The following FER variants were observed in gnomAD, a reference collection of about 807,000 sequenced individuals.
FER encodes FER tyrosine kinase, also known as tyrosine-protein kinase Fer.
A neutral mutation model predicts 111.0 loss-of-function variants in FER; 63 were observed. The ratio of observed to expected loss-of-function variants is 0.57; its 90% CI spans 0.46 to 0.70. The LOEUF is 0.70. Among genes scored for constraint, FER ranks in the 30% least tolerant of loss-of-function variants. FER has a pLI of 0.00. For synonymous variants in FER, 327 were observed against 313.9 expected (o/e 1.04, Z -0.44); for missense variants, 914 against 954.0 (o/e 0.96, Z 0.55).
chr5:109,090,630 C>T (rs1231284009), intron 16 of FER, among the ~76,000 whole-genome samples: 1 of 151,942 alleles, frequency 6.6e-6, no homozygotes, highest in East Asian at 1.9e-4. Context: ...AGAATACTCA[C>T]AGAGAGGGAA....
intron 2 of FER, among the ~76,000 whole-genome samples, chr5:108,791,587 T>TAC (rs1313426604): frequency 1.1e-4 from 16 of 149,424 alleles, no homozygotes; most frequent in Non-Finnish European, 1.5e-4. Flanking sequence ...TATATATATA[T>TAC]ACATATATAT....
intron 19 of FER, 104 bp from the exon 20 acceptor site, chr5:109,187,329 T>TACAACATAAG (rs1758992539): frequency 8.3e-7 from 1 of 1,205,000 alleles, no homozygotes; most frequent in Non-Finnish European, 1.2e-6. Flanking sequence ...TCCATATAAC[T>TACAACATAAG]ACAACATAAG....
chr5:108,801,686 A>G (rs1419401685), intron 3 of FER, among the ~76,000 whole-genome samples: 1 of 152,206 alleles, frequency 6.6e-6, no homozygotes, highest in African/African-American at 2.4e-5. Flanking sequence ...AGTTGCATGG[A>G]TAGAAGATTC....
At chr5:109,133,188 G>A (rs891825392) in intron 17 of FER, among the ~76,000 whole-genome samples, 1 of 152,168 alleles carries the variant, frequency 6.6e-6, no homozygotes, top group African/African-American at 2.4e-5. Flanking sequence ...GAAAGTGACT[G>A]TAGGAGATAA....
rs576663370 is a variant in FER at position 109,129,757 on chromosome 5, A to G, written c.2048+29238A>G. Among the ~76,000 whole-genome samples, 5 of 152,192 alleles carry G rather than the reference A, an allele frequency of 3.3e-5. No homozygotes were observed. The South Asian group carries it at 1.0e-3, about 31-fold the overall frequency. On this transcript the variant is annotated intron_variant, in intron 17 of 19. Transcript: ENST00000281092. ...CGTATAGGAATTATTGAAATGTGTC[A>G]AACGTCTTTAAAAATGCATACCCTT... is the stretch of plus-strand genomic sequence containing the variant.
rs950579407 is a variant in FER, at chr5:109,111,884, A to G, written c.2048+11365A>G. Among the ~76,000 whole-genome samples, 55 of 152,286 alleles carry G rather than the reference A, an allele frequency of 3.6e-4. 1 individual carries two copies. Among genetic ancestry groups the G allele is most frequent in the African/African-American group, 1.3e-3 (55 of 41,570 alleles). On this transcript the variant is annotated intron_variant, in intron 17 of 19. Coordinates refer to ENST00000281092, the MANE Select transcript of FER (RefSeq NM_005246.4). Reference sequence around the variant, plus strand: ...TTCAACATGAGATTAGGGTGGGGAAACATAGCGACACCATAAGAAATTCTT... The same window carrying G: ...TTCAACATGAGATTAGGGTGGGGAAGCATAGCGACACCATAAGAAATTCTT...
chr5:109,018,772 A>C (rs897167331), intron 13 of FER, among the ~76,000 whole-genome samples: 1 of 151,804 alleles, frequency 6.6e-6, no homozygotes, highest in Non-Finnish European at 1.5e-5. Flanking sequence ...TTCTGTAAGC[A>C]AAATATGAAC....
intron 1 of FER, among the ~76,000 whole-genome samples, chr5:108,758,996 C>T (rs1751422004): frequency 6.6e-6 from 1 of 152,268 alleles, no homozygotes; most frequent in Admixed American, 6.5e-5. Context: ...GAAAAGAAGA[C>T]AACTAAGAGA....
At chr5:108,801,374 A>G (rs1580616140) in intron 3 of FER, among the ~76,000 whole-genome samples, 1 of 152,350 alleles carries the variant, frequency 6.6e-6, no homozygotes, top group East Asian at 1.9e-4. Context: ...TCATGACATC[A>G]GTAACACATT....
intron 5 of FER, among the ~76,000 whole-genome samples, chr5:108,855,697 C>A (rs1169350599): frequency 1.3e-5 from 2 of 151,756 alleles, no homozygotes; most frequent in African/African-American, 4.8e-5. Flanking sequence ...CAAGGAAGAG[C>A]AAGTGATCAA....
intron 10 of FER, among the ~76,000 whole-genome samples, chr5:108,933,851 A>T (rs577386585): frequency 1.3e-5 from 2 of 152,060 alleles, no homozygotes; most frequent in African/African-American, 2.4e-5. Context: ...TAGATATTTT[A>T]TTCTCTCTGT....
intron 13 of FER, among the ~76,000 whole-genome samples, chr5:108,995,794 G>A (rs745995290): frequency 2.6e-5 from 4 of 152,180 alleles, no homozygotes; most frequent in Non-Finnish European, 5.9e-5. Context: ...TAATGGGATT[G>A]CTGGGTCAAA....
chr5:108,826,152 G>T (rs1479487105), intron 3 of FER, among the ~76,000 whole-genome samples: 1 of 152,004 alleles, frequency 6.6e-6, no homozygotes, highest in East Asian at 1.9e-4. Context: ...GTTGAATTTT[G>T]CCCAATACTC....
intron 8 of FER, among the ~76,000 whole-genome samples, chr5:108,880,020 A>G (rs1765530363): frequency 6.6e-6 from 1 of 151,872 alleles, no homozygotes; most frequent in African/African-American, 2.4e-5. Flanking sequence ...CTCCCTGTAT[A>G]ATTTTATTCT....
intron 3 of FER, among the ~76,000 whole-genome samples, chr5:108,823,354 C>G (rs1759099720): frequency 1.3e-5 from 2 of 152,146 alleles, no homozygotes; most frequent in Admixed American, 1.3e-4. Context: ...TTTGAGGAAC[C>G]TCGATATGTT....
At chr5:108,774,065 C>A (rs959643431) in intron 2 of FER, among the ~76,000 whole-genome samples, 4 of 151,992 alleles carry the variant, frequency 2.6e-5, no homozygotes, top group African/African-American at 7.3e-5. Context: ...TCCTCACCCC[C>A]CAACAGGCCC....
At chr5:108,809,018 G>A (rs1176093626) in intron 3 of FER, among the ~76,000 whole-genome samples, 1 of 152,114 alleles carries the variant, frequency 6.6e-6, no homozygotes, top group Non-Finnish European at 1.5e-5. Context: ...CTGCCTTTAA[G>A]ATTTTTTTCT....
chr5:108,938,000 C>A (rs1755720275), intron 10 of FER, among the ~76,000 whole-genome samples: 1 of 148,954 alleles, frequency 6.7e-6, no homozygotes, highest in Admixed American at 6.8e-5. Flanking sequence ...CTACTCTCTT[C>A]CCTCCTTTTT....
intron 16 of FER, among the ~76,000 whole-genome samples, chr5:109,092,839 CAAG>C (rs1418686560): frequency 2.0e-5 from 3 of 152,012 alleles, no homozygotes; most frequent in Non-Finnish European, 2.9e-5. Context: ...TCACAACAAC[CAAG>C]AAGTAGAGGC....
Sources: gnomAD v4.1 joint callset for allele counts (sites outside exome capture counted in the v4.1 genomes callset) on GRCh38, gnomAD v4.1.1 for gene constraint, MANE v1.5 for transcripts, NCBI Gene and HGNC (gene_info 2026-07-23, HGNC 2026-07-21) for gene names.